The following METAP1D variants were observed in gnomAD, a reference collection of about 807,000 sequenced individuals.
METAP1D encodes methionyl aminopeptidase type 1D, mitochondrial.
METAP1D carries 31 observed loss-of-function variants against 40.5 expected under a neutral mutation model. That is an observed-to-expected ratio of 0.77 (90% CI 0.58 to 1.03). The LOEUF (loss-of-function observed/expected upper bound fraction) is 1.03. Among genes scored for constraint, METAP1D ranks in the 50% least tolerant of loss-of-function variants. The pLI is 0.00. For synonymous variants in METAP1D, 151 were observed against 146.4 expected, an observed-to-expected ratio of 1.03 and a Z score of -0.22; for missense variants, 411 against 420.7, an observed-to-expected ratio of 0.98 and a Z score of 0.20.
intron 1 of METAP1D, among the ~76,000 whole-genome samples, chr2:172,007,124 T>TTA (rs1553489371): frequency 1.3e-5 from 2 of 148,618 alleles, no homozygotes; most frequent in African/African-American, 2.5e-5. Flanking sequence ...TTTTTTTTTT[T>TTA]ATTGTACATT....
intron 1 of METAP1D, among the ~76,000 whole-genome samples, chr2:172,029,568 C>T (rs746394976): frequency 4.6e-5 from 7 of 152,084 alleles, no homozygotes; most frequent in East Asian, 1.9e-4. Context: ...AATATTACAG[C>T]GAAACAGAGA....
chr2:172,064,941 T>G (rs1441454175), intron 3 of METAP1D, among the ~76,000 whole-genome samples: 1 of 152,228 alleles, frequency 6.6e-6, no homozygotes, highest in African/African-American at 2.4e-5. Context: ...CTTCATATAC[T>G]TATAAAACTC....
chr2:172,045,584 C>T (rs1487072873), intron 1 of METAP1D, among the ~76,000 whole-genome samples: 3 of 146,732 alleles, frequency 2.0e-5, no homozygotes, highest in African/African-American at 5.1e-5. Context: ...TCACTTGAGC[C>T]TGGGAGGTGG....
rs187360901 is a variant in METAP1D, at chr2:172,075,345, A to G, written c.705-2452A>G. Reference sequence around the variant, plus strand: ...GTAGGTTTCAGCAGAGCGAAGACAGATTTTATCCGTGAAATGTCCAGGGCA... The same window carrying G: ...GTAGGTTTCAGCAGAGCGAAGACAGGTTTTATCCGTGAAATGTCCAGGGCA... On this transcript the variant is annotated intron_variant, in intron 6 of 9. Coordinates refer to ENST00000315796, the MANE Select transcript of METAP1D (RefSeq NM_199227.3). Among the ~76,000 whole-genome samples, 6 of 152,304 alleles carry G rather than the reference A, an allele frequency of 3.9e-5. No individual in the cohort carries two copies. The East Asian group carries it at 1.2e-3, about 29-fold the overall frequency.
chr2:172,071,914 A>T (rs933102829), intron 6 of METAP1D, among the ~76,000 whole-genome samples: 7 of 152,152 alleles, frequency 4.6e-5, no homozygotes, highest in African/African-American at 1.4e-4. Flanking sequence ...TTTTCTTCGT[A>T]AGCCTTCAAA....
chr2:172,038,551 T>C (rs1689446519), intron 1 of METAP1D, among the ~76,000 whole-genome samples: 1 of 152,204 alleles, frequency 6.6e-6, no homozygotes, highest in African/African-American at 2.4e-5. Flanking sequence ...TAGGATATTT[T>C]TTAAATTGTA....
intron 4 of METAP1D, 127 bp downstream of exon 4, chr2:172,065,879 A>C: frequency 9.7e-7 from 1 of 1,028,036 alleles, no homozygotes. Flanking sequence ...ATTGATTATG[A>C]TAAAACAGAA....
chr2:172,008,528 T>C (rs1323634409), intron 1 of METAP1D, among the ~76,000 whole-genome samples: 2 of 152,196 alleles, frequency 1.3e-5, no homozygotes, highest in African/African-American at 4.8e-5. Flanking sequence ...AAGCCACAGA[T>C]GGTACTGAAC....
chr2:172,045,795 ATATGTGTGTG>A (rs1294956223), intron 1 of METAP1D, among the ~76,000 whole-genome samples: 4 of 18,724 alleles, frequency 2.1e-4, no homozygotes, highest in Admixed American at 6.8e-4. Context: ...GTATATGTAT[ATATGTGTGTG>A]TGTGTGTGTG....
chr2:172,003,756 A>G (rs777889778), intron 1 of METAP1D, among the ~76,000 whole-genome samples: 3 of 151,962 alleles, frequency 2.0e-5, no homozygotes, highest in Non-Finnish European at 2.9e-5. Flanking sequence ...AGCAAGTAAG[A>G]GGGCATATTT....
In METAP1D at chr2:172,012,997, G is replaced by C. The variant is rs913964268; in HGVS notation, c.40+12988G>C. The stretch of plus-strand genomic sequence containing the variant: ...TGATTTGTTTTCCAATTCTTATTGT[G>C]ACTGTAAATCTGGAGAATTTAGGGG... On this transcript the variant is annotated intron_variant, in intron 1 of 9. Coordinates refer to ENST00000315796, the MANE Select transcript of METAP1D (RefSeq NM_199227.3). Among the ~76,000 whole-genome samples the C allele has an allele frequency of 2.0e-5, 3 of 152,206 alleles. No individual in the cohort carries two copies. The East Asian group carries it at 5.8e-4, about 29-fold the overall frequency.
chr2:172,039,658 C>A (rs1033288930), intron 1 of METAP1D, among the ~76,000 whole-genome samples: 5 of 146,892 alleles, frequency 3.4e-5, no homozygotes, highest in African/African-American at 1.3e-4. Flanking sequence ...GGAGCAAATA[C>A]CTTTAAAACT....
At chr2:172,005,542 A>G (rs1447241710) in intron 1 of METAP1D, among the ~76,000 whole-genome samples, 1 of 114,800 alleles carries the variant, frequency 8.7e-6, no homozygotes, top group Admixed American at 9.0e-5. Flanking sequence ...ATATATATAT[A>G]TATCTTTTTT....
At chr2:172,010,415 G>A (rs1033128917) in intron 1 of METAP1D, among the ~76,000 whole-genome samples, 1 of 145,190 alleles carries the variant, frequency 6.9e-6, no homozygotes, top group Non-Finnish European at 1.5e-5. Flanking sequence ...CAGAGTACTA[G>A]GATTATAGAT....
chr2:172,001,934 A>G (rs1688473514), intron 1 of METAP1D, among the ~76,000 whole-genome samples: 2 of 152,052 alleles, frequency 1.3e-5, no homozygotes, highest in Non-Finnish European at 2.9e-5. Flanking sequence ...TGTCTCTACT[A>G]AAAATACAAA....
At chr2:172,012,559 G>A (rs1688755158) in intron 1 of METAP1D, among the ~76,000 whole-genome samples, 2 of 152,214 alleles carry the variant, frequency 1.3e-5, no homozygotes, top group South Asian at 2.1e-4. Context: ...GGAAGGAGAT[G>A]CTGCACTTTA....
Position 172,080,391 on chromosome 2 carries a change from A to AC in METAP1D, c.997dup (p.His333ProfsTer2). Reference sequence around the variant, plus strand: ...GGGGCGCGCAGATCCTGACCAAACTACCCCATGAGGCCTGAGGAGCCGCCC... The same window carrying AC: ...GGGGCGCGCAGATCCTGACCAAACTACCCCCATGAGGCCTGAGGAGCCGCCC... On this transcript the variant is annotated frameshift_variant, in exon 10 of 10. Transcript: ENST00000315796. LOFTEE classifies it high-confidence loss of function. The AC allele has an allele frequency of 7.4e-6, 12 of 1,613,946 alleles. No homozygotes were observed. The highest frequency in any genetic ancestry group is 9.3e-6 in the Non-Finnish European group (11 of 1,179,892).
At position 172,003,827 on chromosome 2, in the gene METAP1D, C is replaced by T. The variant is rs556714035; in HGVS notation, c.40+3818C>T. On this transcript the variant is annotated intron_variant, in intron 1 of 9. Transcript: ENST00000315796. ...TAGCACAGGGTGAAGTGCAGTGGTG[C>T]GATCTTGGCTCACTGCAACCTCTGC... 7.2e-5 allele frequency among the ~76,000 whole-genome samples: 11 copies of T among 151,750 alleles called. No individual in the cohort carries two copies. In the South Asian group the frequency reaches 1.3e-3, roughly 17 times the overall value.
chr2:172,026,279 T>C (rs550684943), intron 1 of METAP1D, among the ~76,000 whole-genome samples: 4 of 152,298 alleles, frequency 2.6e-5, no homozygotes, highest in South Asian at 4.1e-4. Flanking sequence ...TACCTTTTTT[T>C]CCCCTCCTGT....
Sources: allele counts gnomAD v4.1 joint callset (sites outside exome capture counted in the v4.1 genomes callset), GRCh38; gene constraint gnomAD v4.1.1; transcripts MANE v1.5; gene names NCBI Gene and HGNC (gene_info 2026-07-23, HGNC 2026-07-21).